The following ZNF775 variants were observed in gnomAD, a reference collection of about 807,000 sequenced individuals.
The protein encoded by ZNF775 is zinc finger protein 775.
A neutral mutation model predicts 2.4 loss-of-function variants in ZNF775; 1 was observed. The observed-to-expected ratio is 0.41, with a 90% CI of 0.15 to 1.94. The LOEUF is 1.94. Among genes scored for constraint, ZNF775 ranks in the 30% most tolerant of loss-of-function variants. ZNF775 has a pLI of 0.30. For synonymous variants in ZNF775, 381 were observed against 373.3 expected (o/e 1.02, Z -0.24); for missense variants, 823 against 826.6 (o/e 1.00, Z 0.05).
At chr7:150,387,856 G>GCAAT (rs1800482552) in intron 1 of ZNF775, among the ~76,000 whole-genome samples, 1 of 152,114 alleles carries the variant, frequency 6.6e-6, no homozygotes, top group Non-Finnish European at 1.5e-5. Context: ...CATGGGCTCA[G>GCAAT]CAATGCCCAA....
intron 1 of ZNF775, among the ~76,000 whole-genome samples, chr7:150,386,302 A>G (rs575750714): frequency 1.3e-5 from 2 of 152,352 alleles, no homozygotes; most frequent in South Asian, 4.1e-4. Context: ...AAAAATAAAG[A>G]TTCACATGCA....
In ZNF775 at chr7:150,384,640, C is replaced by G. The variant is rs1273245170; in HGVS notation, c.-49-3782C>G. The stretch of plus-strand genomic sequence containing the variant: ...GACTTGGCCTCCCCTCATTCCTGTC[C>G]TCTGTGTTTCCCCCTTTGAATTTCT... On this transcript the variant is annotated intron_variant, in intron 1 of 2. Coordinates refer to ENST00000329630, the MANE Select transcript of ZNF775 (RefSeq NM_173680.4). This position sits in a 1 kb window ranked among gnomAD's most constrained non-coding sequence, Gnocchi z 4.1. 6.6e-6 allele frequency among the ~76,000 whole-genome samples: 1 copy of G among 152,174 alleles called. No individual in the cohort carries two copies. Among genetic ancestry groups the G allele is most frequent in the Non-Finnish European group, 1.5e-5 (1 of 68,032 alleles).
chr7:150,381,146 C>T (rs1029553236), intron 1 of ZNF775, among the ~76,000 whole-genome samples: 7 of 151,950 alleles, frequency 4.6e-5, no homozygotes, highest in Admixed American at 2.0e-4. Flanking sequence ...GTGCAGCTCT[C>T]GCCTCTGAAG....
chr7:150,397,348 C>CT lies in ZNF775; in HGVS notation c.869dup (p.Thr291HisfsTer83). Reference sequence around the variant, plus strand: ...TCATCTGCAACGAGTGTGGCAAGAGCTTCACCTGGTGGTCGTCGCTGAACA... The same window carrying CT: ...TCATCTGCAACGAGTGTGGCAAGAGCTTTCACCTGGTGGTCGTCGCTGAACA... On this transcript the variant is annotated frameshift_variant, in exon 3 of 3. Coordinates refer to ENST00000329630, the MANE Select transcript of ZNF775 (RefSeq NM_173680.4). LOFTEE classifies it low-confidence loss of function (END_TRUNC). 1 of 1,595,496 alleles carries CT rather than the reference C, an allele frequency of 6.3e-7. No homozygotes were observed. The highest frequency in any genetic ancestry group is 1.7e-4 in the Middle Eastern group (1 of 6,012).
chr7:150,389,180 G>T (rs1370084154), intron 2 of ZNF775, among the ~76,000 whole-genome samples: 2 of 152,254 alleles, frequency 1.3e-5, no homozygotes, highest in Non-Finnish European at 2.9e-5. Context: ...GCAGGGTTGA[G>T]TCCAGAGCAC....
At chr7:150,394,004 T>A (rs1421322068) in intron 2 of ZNF775, among the ~76,000 whole-genome samples, 2 of 152,244 alleles carry the variant, frequency 1.3e-5, no homozygotes, top group Non-Finnish European at 2.9e-5. Flanking sequence ...AGTGGTAGCA[T>A]TTTTGCTTTT....
At chr7:150,385,417 G>C (rs897705098) in intron 1 of ZNF775, among the ~76,000 whole-genome samples, 1 of 152,060 alleles carries the variant, frequency 6.6e-6, no homozygotes, top group African/African-American at 2.4e-5. Flanking sequence ...AAAGACGGGA[G>C]CTCTGAGCCT....
Position 150,396,788 on chromosome 7 carries a change from G to A in ZNF775, c.307G>A (p.Gly103Ser), listed in dbSNP as rs774582990. 1.8e-5 allele frequency: 29 copies of A among 1,596,078 alleles called. No individual in the cohort carries two copies. The highest frequency in any genetic ancestry group is 2.3e-5 in the Non-Finnish European group (27 of 1,172,942). Reference protein sequence around the residue: ...SGPLSPSLSSGEGHFVCLDCG... With the variant: ...SGPLSPSLSSSEGHFVCLDCG... ...CCCCCTGAGCCCCTCGCTTTCCTCC[G>A]GCGAGGGTCACTTTGTATGCCTGGA... is the stretch of plus-strand genomic sequence containing the variant. The change falls in exon 3 of 3, where the codon GGC (glycine) becomes AGC (serine). Residue 103 changes from glycine to serine, a missense_variant. Transcript: ENST00000329630.
Position 150,384,773 on chromosome 7 carries a change from G to A in ZNF775, c.-49-3649G>A, listed in dbSNP as rs904295641. Among the ~76,000 whole-genome samples the A allele has an allele frequency of 6.6e-6, 1 of 152,214 alleles. No individual in the cohort carries two copies. Among genetic ancestry groups the A allele is most frequent in the African/African-American group, 2.4e-5 (1 of 41,452 alleles). ...GTATGGCCCGAGACAGAGGCACCGA[G>A]GCTTGAGGGAGGAGCTGCTCTGGGA... is the stretch of plus-strand genomic sequence containing the variant. On this transcript the variant is annotated intron_variant, in intron 1 of 2. Transcript: ENST00000329630. This position sits in a 1 kb window ranked among gnomAD's most constrained non-coding sequence, Gnocchi z 4.1.
Position 150,396,861 on chromosome 7 carries a change from G to C in ZNF775, c.380G>C (p.Arg127Pro). 6.2e-7 allele frequency: 1 copy of C among 1,602,532 alleles called. No homozygotes were observed. Among genetic ancestry groups the C allele is most frequent in the Non-Finnish European group, 8.5e-7 (1 of 1,179,626 alleles). Reference sequence around the variant, plus strand: ...TGGTCGTCCCTGAAGATCCACCAGCGCACCCACACCGGGGAGAAGCCGTAC... The same window carrying C: ...TGGTCGTCCCTGAAGATCCACCAGCCCACCCACACCGGGGAGAAGCCGTAC... ...SWWSSLKIHQ[R>P]THTGEKPYLC... The change falls in exon 3 of 3, where the codon CGC (arginine) becomes CCC (proline). Residue 127 changes from arginine to proline, a missense_variant. By Grantham distance (103) the Arg-to-Pro change is moderately radical. Coordinates refer to ENST00000329630, the MANE Select transcript of ZNF775 (RefSeq NM_173680.4).
Position 150,396,577 on chromosome 7 carries a change from G to C in ZNF775, c.96G>C (p.Pro32=), listed in dbSNP as rs1160028924. Residue 32 remains proline, a synonymous_variant, in exon 3 of 3, where the codon CCG becomes CCC. Transcript: ENST00000329630. The part of the protein sequence containing the change: ...KPERLLQTLA[P]QAMLVEKDKE... Reference sequence around the variant, plus strand: ...AGCGGCTGCTGCAGACGCTGGCGCCGCAGGCCATGCTTGTGGAGAAGGACA... The same window carrying C: ...AGCGGCTGCTGCAGACGCTGGCGCCCCAGGCCATGCTTGTGGAGAAGGACA... 1 of 1,606,510 alleles carries C rather than the reference G, an allele frequency of 6.2e-7. No individual in the cohort carries two copies. The highest frequency in any genetic ancestry group is 8.5e-7 in the Non-Finnish European group (1 of 1,177,946).
chr7:150,381,810 T>C (rs1033465347), intron 1 of ZNF775, among the ~76,000 whole-genome samples: 39 of 152,008 alleles, frequency 2.6e-4, no homozygotes, highest in African/African-American at 8.7e-4. Context: ...CCTCCCCAGA[T>C]TGAGGACTGG....
At chr7:150,388,996 A>C (rs569926542) in intron 2 of ZNF775, among the ~76,000 whole-genome samples, 1 of 152,214 alleles carries the variant, frequency 6.6e-6, no homozygotes, top group Non-Finnish European at 1.5e-5. Flanking sequence ...ACATGCTGCC[A>C]GTGGAAAGTT....
At chr7:150,379,701 G>C (rs928072802) in intron 1 of ZNF775, among the ~76,000 whole-genome samples, 6 of 152,148 alleles carry the variant, frequency 3.9e-5, no homozygotes, top group Admixed American at 3.9e-4. Flanking sequence ...GGGAGGACGC[G>C]GTGGCGAGTA....
intron 2 of ZNF775, among the ~76,000 whole-genome samples, chr7:150,390,842 TC>T (rs1485449163): frequency 6.6e-6 from 1 of 152,250 alleles, no homozygotes; most frequent in Non-Finnish European, 1.5e-5. Context: ...CAGAAGGCTC[TC>T]CACACTTCTA....
chr7:150,380,758 C>T (rs539576285), intron 1 of ZNF775, among the ~76,000 whole-genome samples: 8 of 152,204 alleles, frequency 5.3e-5, no homozygotes, highest in Non-Finnish European at 8.8e-5. Context: ...AAGATGTTAC[C>T]TTTAGTTTCT....
chr7:150,396,631 C>A lies in ZNF775; in HGVS notation c.150C>A (p.Gly50=). The A allele has an allele frequency of 1.2e-6, 2 of 1,611,226 alleles. No homozygotes were observed. Among genetic ancestry groups the A allele is most frequent in the Non-Finnish European group, 1.7e-6 (2 of 1,179,540 alleles). Residue 50 remains glycine, a synonymous_variant, in exon 3 of 3, where the codon GGC becomes GGA. Transcript: ENST00000329630. ...DKENIFQQHR[G]LPPRQTMGRP... is the part of the protein sequence containing the mutation. ...AGAACATATTTCAGCAGCACCGGGGCCTCCCGCCACGCCAGACCATGGGGC... is the reference window on the plus strand; with the variant it reads ...AGAACATATTTCAGCAGCACCGGGGACTCCCGCCACGCCAGACCATGGGGC...
Position 150,384,452 on chromosome 7 carries a change from G to A in ZNF775, c.-49-3970G>A, listed in dbSNP as rs1284063537. On this transcript the variant is annotated intron_variant, in intron 1 of 2. Transcript: ENST00000329630. The surrounding 1 kb of genome is among the most constrained non-coding windows in gnomAD (Gnocchi z 4.1). Reference sequence around the variant, plus strand: ...GGGCCCGCCATGCACAGAGCAGAGTGAAAGGCAGAATAGGAGAGAAGCTTA... The same window carrying A: ...GGGCCCGCCATGCACAGAGCAGAGTAAAAGGCAGAATAGGAGAGAAGCTTA... Among the ~76,000 whole-genome samples, 4 of 152,226 alleles carry A rather than the reference G, an allele frequency of 2.6e-5. No individual in the cohort carries two copies. The highest frequency in any genetic ancestry group is 4.4e-5 in the Non-Finnish European group (3 of 68,040).
intron 1 of ZNF775, among the ~76,000 whole-genome samples, chr7:150,385,168 GCTC>G (rs1245633980): frequency 4.6e-5 from 7 of 152,114 alleles, no homozygotes; most frequent in African/African-American, 1.4e-4. Context: ...CCCACCAGGG[GCTC>G]CTCCCGCCCC....
Sources: gnomAD v4.1 joint callset for allele counts (sites outside exome capture counted in the v4.1 genomes callset) on GRCh38, gnomAD v4.1.1 for gene constraint, Gnocchi (gnomAD v3.1) non-coding constraint, MANE v1.5 for transcripts, NCBI Gene and HGNC (gene_info 2026-07-23, HGNC 2026-07-21) for gene names.